ARHGAP44: variants seen among roughly 807,000 people sequenced by gnomAD.
ARHGAP44 encodes the protein rho GTPase-activating protein 44.
ARHGAP44 carries 43 observed loss-of-function variants against 106.8 expected under a neutral mutation model. The observed-to-expected ratio is 0.40, with a 90% CI of 0.32 to 0.52. ARHGAP44 has a LOEUF of 0.52. Ranked by LOEUF, ARHGAP44 falls within the 20% of genes least tolerant of loss-of-function variation. The probability of loss-of-function intolerance (pLI) is 0.48; values close to 1 mark genes in which losing one functional copy is unlikely to be tolerated. For missense variants in ARHGAP44, 866 were observed against 1,050.5 expected (o/e 0.82, Z 2.43); for synonymous variants, 439 against 410.3 (o/e 1.07, Z -0.85).
chr17:12,839,071 C>G (rs1339485007), intron 1 of ARHGAP44, among the ~76,000 whole-genome samples: 2 of 152,130 alleles, frequency 1.3e-5, no homozygotes, highest in African/African-American at 4.8e-5. Flanking sequence ...ACCAAACCCT[C>G]TTTGTGTCCT....
chr17:12,956,884 C>T, intron 15 of ARHGAP44, 138 bp downstream of exon 15: 1 of 648,120 alleles, frequency 1.5e-6, no homozygotes, highest in Non-Finnish European at 2.7e-6. Context: ...CACACACACA[C>T]ACACGCATGC....
intron 18 of ARHGAP44, among the ~76,000 whole-genome samples, chr17:12,976,564 G>A (rs2039688022): frequency 6.9e-6 from 1 of 145,632 alleles, no homozygotes; most frequent in East Asian, 2.1e-4. Flanking sequence ...AGTGAGCCGA[G>A]ATGGTGCCAC....
chr17:12,928,746 G>T (rs1317990), intron 6 of ARHGAP44, among the ~76,000 whole-genome samples, 183 bp from the exon 7 acceptor site: 35,394 of 152,120 alleles, frequency 0.23, 5,112 homozygotes, highest in Non-Finnish European at 0.33. Context: ...AGCAGTTGAC[G>T]CATGGAAATA....
chr17:12,962,880 T>C (rs1046643621), intron 16 of ARHGAP44, among the ~76,000 whole-genome samples: 1 of 151,910 alleles, frequency 6.6e-6, no homozygotes, highest in African/African-American at 2.4e-5. Flanking sequence ...ACCCTGTCTC[T>C]ACTAAAAATA....
intron 1 of ARHGAP44, among the ~76,000 whole-genome samples, chr17:12,865,643 G>A (rs944301047): frequency 3.3e-5 from 5 of 152,052 alleles, no homozygotes; most frequent in African/African-American, 1.2e-4. Context: ...CAAAAAATTA[G>A]CTGGGCGTGG....
At chr17:12,932,325 C>T (rs936255165) in intron 7 of ARHGAP44, among the ~76,000 whole-genome samples, 1 of 152,116 alleles carries the variant, frequency 6.6e-6, no homozygotes, top group Non-Finnish European at 1.5e-5. Context: ...TATACACATT[C>T]TTAATTTGGT....
intron 19 of ARHGAP44, among the ~76,000 whole-genome samples, chr17:12,983,876 A>G (rs1045201576): frequency 6.6e-6 from 1 of 152,230 alleles, no homozygotes; most frequent in African/African-American, 2.4e-5. Context: ...ACATGCTTAG[A>G]CCAGCGGGTA....
intron 19 of ARHGAP44, among the ~76,000 whole-genome samples, chr17:12,981,794 T>C (rs1327774917): frequency 6.6e-6 from 1 of 151,138 alleles, no homozygotes; most frequent in African/African-American, 2.4e-5. Flanking sequence ...GCAGATTGCC[T>C]GAGCTCAGGA....
At chr17:12,899,731 A>G (rs1419026298) in intron 3 of ARHGAP44, among the ~76,000 whole-genome samples, 1 of 152,154 alleles carries the variant, frequency 6.6e-6, no homozygotes, top group Admixed American at 6.5e-5. Context: ...GGATCAGGAG[A>G]GACTTTATGG....
chr17:12,969,752 G>A (rs116490510), intron 16 of ARHGAP44, among the ~76,000 whole-genome samples: 2,136 of 152,274 alleles, frequency 0.014, 49 homozygotes, highest in African/African-American at 0.048. Flanking sequence ...CTGTATGACC[G>A]CTCAGCTTCT....
At chr17:12,863,123 G>C (rs1011817531) in intron 1 of ARHGAP44, among the ~76,000 whole-genome samples, 1 of 151,800 alleles carries the variant, frequency 6.6e-6, no homozygotes, top group Non-Finnish European at 1.5e-5. Flanking sequence ...CCTCGTCTCT[G>C]TGAAAATAAA....
chr17:12,894,483 G>A (rs2037145282), intron 1 of ARHGAP44, among the ~76,000 whole-genome samples: 1 of 152,126 alleles, frequency 6.6e-6, no homozygotes, highest in Admixed American at 6.6e-5. Flanking sequence ...CTTTCTTGTG[G>A]ACATAACACT....
intron 5 of ARHGAP44, among the ~76,000 whole-genome samples, chr17:12,918,985 A>G (rs1223070857): frequency 6.6e-6 from 1 of 152,222 alleles, no homozygotes; most frequent in Non-Finnish European, 1.5e-5. Context: ...AAAGGGCATC[A>G]ATAATTTCAT....
chr17:12,948,900 G>A (rs781039553), intron 10 of ARHGAP44, among the ~76,000 whole-genome samples: 1 of 152,182 alleles, frequency 6.6e-6, no homozygotes, highest in Non-Finnish European at 1.5e-5. Flanking sequence ...CCAGTGTGAT[G>A]AGCCACCCCT....
intron 1 of ARHGAP44, among the ~76,000 whole-genome samples, chr17:12,823,073 G>C (rs16946636): frequency 0.019 from 2,918 of 152,244 alleles, 86 homozygotes; most frequent in African/African-American, 0.065. Context: ...AATCCCTCTT[G>C]ACAGCAGATG....
chr17:12,953,023 A>G (rs1475381252), intron 13 of ARHGAP44, among the ~76,000 whole-genome samples: 1 of 152,200 alleles, frequency 6.6e-6, no homozygotes. Context: ...TTAAAGGAGC[A>G]AAGATGAATG....
rs1463964779 is a variant in ARHGAP44, at chr17:12,949,173, C to T, written c.895C>T (p.Leu299=). ...CCGAGTAGCCCCCTCTGCCTCCAAA[C>T]TGAAGAAGCTGAAAGCGGCCCTGGA... ...LFRVAPSASK[L]KKLKAALDCC... The change falls in exon 11 of 21, where the codon CTG becomes TTG. Residue 299 remains leucine (L), a synonymous_variant. Coordinates refer to ENST00000379672, the MANE Select transcript of ARHGAP44 (RefSeq NM_014859.6). This position sits in a 1 kb window ranked among gnomAD's most constrained non-coding sequence, Gnocchi z 4.1. The T allele has an allele frequency of 2.5e-6, 4 of 1,581,270 alleles. No homozygotes were observed. The South Asian group carries it at 3.5e-5, about 14-fold the overall frequency.
In ARHGAP44 at chr17:12,791,728, A is replaced by G. The variant is rs140664245; in HGVS notation, c.53+1837A>G. 1.3e-3 allele frequency among the ~76,000 whole-genome samples: 205 copies of G among 152,246 alleles called. 1 individual carries two copies. The highest frequency in any genetic ancestry group is 4.6e-3 in the African/African-American group (192 of 41,556). On this transcript the variant is annotated intron_variant, in intron 1 of 20. Transcript: ENST00000379672. Reference sequence around the variant, plus strand: ...GATTTCAGAAAAAGTGGTCTTAGGTATTGAGAGCACGTTCTTGGAAGTCCA... The same window carrying G: ...GATTTCAGAAAAAGTGGTCTTAGGTGTTGAGAGCACGTTCTTGGAAGTCCA...
intron 20 of ARHGAP44, chr17:12,985,248 C>G: frequency 4.0e-6 from 1 of 248,330 alleles, no homozygotes; most frequent in Middle Eastern, 1.2e-3. Flanking sequence ...GATCACAAAA[C>G]AGCATCAAAA....
Sources: allele counts gnomAD v4.1 joint callset (sites outside exome capture counted in the v4.1 genomes callset), GRCh38; gene constraint gnomAD v4.1.1; non-coding constraint Gnocchi (gnomAD v3.1); transcripts MANE v1.5; gene names NCBI Gene and HGNC (gene_info 2026-07-23, HGNC 2026-07-21).